The following CSGALNACT1 variants were observed in gnomAD, a reference collection of about 807,000 sequenced individuals.
CSGALNACT1 encodes chondroitin sulfate N-acetylgalactosaminyltransferase 1.
Under a neutral mutation model 51.0 loss-of-function variants are expected in CSGALNACT1, and 52 were observed. The ratio of observed to expected loss-of-function variants is 1.02; its 90% confidence interval spans 0.82 to 1.29. The LOEUF is 1.29. Ranked by LOEUF, CSGALNACT1 falls within the 50% of genes most tolerant of loss-of-function variation. CSGALNACT1 has a pLI of 0.00. For missense variants in CSGALNACT1, 935 were observed against 679.2 expected (o/e 1.38, Z -4.19); for synonymous variants, 341 against 254.4 (o/e 1.34, Z -3.24).
intron 1 of CSGALNACT1, among the ~76,000 whole-genome samples, chr8:19,726,218 G>C (rs1331506291): frequency 1.3e-5 from 2 of 152,016 alleles, no homozygotes; most frequent in Admixed American, 6.6e-5. Context: ...TTTAAGATAA[G>C]TTAACATTAA....
intron 3 of CSGALNACT1, among the ~76,000 whole-genome samples, chr8:19,557,290 G>A (rs928575784): frequency 6.6e-6 from 1 of 152,092 alleles, no homozygotes; most frequent in Non-Finnish European, 1.5e-5. Flanking sequence ...AACTGTAGTT[G>A]CCTCCTCACT....
chr8:19,562,129 C>T (rs982366989), intron 3 of CSGALNACT1, among the ~76,000 whole-genome samples: 1 of 152,140 alleles, frequency 6.6e-6, no homozygotes, highest in Non-Finnish European at 1.5e-5. Flanking sequence ...CATCCTGCCA[C>T]CCCCACAGAC....
chr8:19,445,754 G>A lies in CSGALNACT1; in HGVS notation c.852-5823C>T, dbSNP rs543423369. Among the ~76,000 whole-genome samples, 15 of 152,292 alleles carry A rather than the reference G, an allele frequency of 9.8e-5. No individual in the cohort carries two copies. The East Asian group carries it at 1.5e-3, about 16-fold the overall frequency. ...ATACCATGAAAAACCATGGCTGGCC[G>A]GCTGAATGATCTTTGTTTTCCTCTA... On this transcript the variant is annotated intron_variant, in intron 5 of 9. Coordinates refer to ENST00000454498, the Ensembl canonical transcript of CSGALNACT1.
intron 8 of CSGALNACT1, among the ~76,000 whole-genome samples, chr8:19,415,103 G>A (rs1263462596): frequency 6.6e-6 from 1 of 152,130 alleles, no homozygotes; most frequent in Non-Finnish European, 1.5e-5. Context: ...ACTGATAGAA[G>A]GAAATCTCTT....
chr8:19,506,909 G>C lies in CSGALNACT1; in HGVS notation c.-296-779C>G, dbSNP rs150297345. 6.8e-4 allele frequency among the ~76,000 whole-genome samples: 103 copies of C among 152,314 alleles called. No homozygotes were observed. In the Middle Eastern group the frequency reaches 0.017, roughly 25 times the overall value. Reference sequence around the variant, plus strand: ...TTTCTTTTTAAGTTACGCAGCTTCAGGTATTCCTTTAGAGCAGCAAGAATG... The same window carrying C: ...TTTCTTTTTAAGTTACGCAGCTTCACGTATTCCTTTAGAGCAGCAAGAATG... On this transcript the variant is annotated intron_variant, in intron 3 of 9. Coordinates refer to ENST00000454498, the Ensembl canonical transcript of CSGALNACT1.
intron 5 of CSGALNACT1, among the ~76,000 whole-genome samples, chr8:19,441,731 A>T (rs1249679414): frequency 1.3e-5 from 2 of 151,900 alleles, no homozygotes; most frequent in Admixed American, 1.3e-4. Context: ...GATCTAATTA[A>T]ACTAAAGAGC....
At chr8:19,537,109 C>A (rs2083924577) in intron 3 of CSGALNACT1, among the ~76,000 whole-genome samples, 1 of 152,160 alleles carries the variant, frequency 6.6e-6, no homozygotes, top group Admixed American at 6.5e-5. Context: ...ATGTCCCTTC[C>A]TTATTAACCT....
chr8:19,604,745 T>TAA (rs36019022), upstream of CSGALNACT1, among the ~76,000 whole-genome samples: 3,204 of 130,252 alleles, frequency 0.025, 117 homozygotes, highest in African/African-American at 0.085. Context: ...GTCTCTACTT[T>TAA]AAAAAAAAAA....
chr8:19,445,267 C>T (rs930682051), intron 5 of CSGALNACT1, among the ~76,000 whole-genome samples: 1 of 152,196 alleles, frequency 6.6e-6, no homozygotes, highest in Non-Finnish European at 1.5e-5. Context: ...AGCACACACA[C>T]AGGGCCAAGT....
In CSGALNACT1 at chr8:19,412,822, G is replaced by A. The variant is rs1221442328; in HGVS notation, c.1228-4128C>T. Among the ~76,000 whole-genome samples, 8 of 152,160 alleles carry A rather than the reference G, an allele frequency of 5.3e-5. No homozygotes were observed. In the South Asian group the frequency reaches 1.5e-3, roughly 28 times the overall value. On this transcript the variant is annotated intron_variant, in intron 8 of 9. Coordinates refer to ENST00000454498, the Ensembl canonical transcript of CSGALNACT1. ...CTATGAGGACGTCTGTGTCCAGGCTGGGGGCCCCCAGCCCAGGCTGTCCAT... is the reference window on the plus strand; with the variant it reads ...CTATGAGGACGTCTGTGTCCAGGCTAGGGGCCCCCAGCCCAGGCTGTCCAT...
intron 4 of CSGALNACT1, among the ~76,000 whole-genome samples, chr8:19,476,369 T>G (rs1272694598): frequency 1.3e-5 from 2 of 152,066 alleles, no homozygotes; most frequent in African/African-American, 4.8e-5. Context: ...CTCCCCCAAG[T>G]AGCTGGGATT....
At chr8:19,708,952 T>G (rs1337079033) in intron 1 of CSGALNACT1, among the ~76,000 whole-genome samples, 1 of 152,224 alleles carries the variant, frequency 6.6e-6, no homozygotes, top group Non-Finnish European at 1.5e-5. Context: ...GCTCAGAGCC[T>G]GTTTCACCAT....
Position 19,532,807 on chromosome 8 carries a change from G to C in CSGALNACT1, c.-296-26677C>G, listed in dbSNP as rs542626697. ...GAGCGAGGAGTCACCTAAAATGCTA[G>C]ATTCAGATCCATCTACACCAAAGGA... On this transcript the variant is annotated intron_variant, in intron 3 of 9. Coordinates refer to ENST00000454498, the Ensembl canonical transcript of CSGALNACT1. Among the ~76,000 whole-genome samples, 411 of 151,766 alleles carry C rather than the reference G, an allele frequency of 2.7e-3. 1 individual carries two copies. Among genetic ancestry groups the C allele is most frequent in the Admixed American group, 3.5e-3 (54 of 15,250 alleles).
intron 3 of CSGALNACT1, among the ~76,000 whole-genome samples, chr8:19,538,116 A>T (rs562239128): frequency 6.6e-6 from 1 of 152,086 alleles, no homozygotes; most frequent in Non-Finnish European, 1.5e-5. Context: ...CAGGAGTTCA[A>T]GATCAGCCTG....
intron 1 of CSGALNACT1, among the ~76,000 whole-genome samples, chr8:19,658,836 A>T (rs1470467413): frequency 6.6e-6 from 1 of 152,168 alleles, no homozygotes; most frequent in African/African-American, 2.4e-5. Context: ...CAACTACTTT[A>T]AGGGAATTGA....
intron 4 of CSGALNACT1, among the ~76,000 whole-genome samples, chr8:19,503,647 A>C (rs2153990765): frequency 6.6e-6 from 1 of 152,216 alleles, no homozygotes; most frequent in East Asian, 1.9e-4. Context: ...TGCTTTATAA[A>C]CTGTAAAGTA....
chr8:19,616,634 T>C (rs1187631868), intron 1 of CSGALNACT1, among the ~76,000 whole-genome samples: 1 of 152,188 alleles, frequency 6.6e-6, no homozygotes, highest in Non-Finnish European at 1.5e-5. Flanking sequence ...CATGGTACTG[T>C]CCTTGCAAGA....
intron 1 of CSGALNACT1, among the ~76,000 whole-genome samples, chr8:19,671,735 G>T (rs1249695700): frequency 1.3e-5 from 2 of 152,120 alleles, no homozygotes; most frequent in Non-Finnish European, 2.9e-5. Context: ...GGGAGTGCGG[G>T]GTGGTGGGGG....
chr8:19,712,332 A>G (rs979432787), intron 1 of CSGALNACT1, among the ~76,000 whole-genome samples: 4 of 152,190 alleles, frequency 2.6e-5, no homozygotes, highest in Non-Finnish European at 4.4e-5. Context: ...GCCAGAACTC[A>G]GAGCTCTTCA....
Sources: allele counts gnomAD v4.1 joint callset (sites outside exome capture counted in the v4.1 genomes callset), GRCh38; gene constraint gnomAD v4.1.1; transcripts MANE v1.5; gene names NCBI Gene and HGNC (gene_info 2026-07-23, HGNC 2026-07-21).